The following MEGF11 variants were observed in gnomAD, a reference collection of about 807,000 sequenced individuals.
MEGF11 encodes multiple epidermal growth factor-like domains protein 11.
In MEGF11, 126 loss-of-function variants were observed where a neutral mutation model predicts 146.6. The ratio of observed to expected loss-of-function variants is 0.86; its 90% CI spans 0.74 to 1.00. The LOEUF is 1.00. MEGF11 is among the 50% of genes least tolerant of loss of function. The pLI, the probability that MEGF11 is intolerant of heterozygous loss-of-function variation, is 0.00. For missense variants in MEGF11, 1,509 were observed against 1,521.2 expected (o/e 0.99, Z 0.13); for synonymous variants, 532 against 583.4 (o/e 0.91, Z 1.27).
rs1375848854 is a variant in MEGF11 at position 66,056,526 on chromosome 15, T to A, written c.394+37876A>T. 2.0e-5 allele frequency among the ~76,000 whole-genome samples: 3 copies of A among 152,192 alleles called. No individual in the cohort carries two copies. In the East Asian group the frequency reaches 5.8e-4, roughly 29 times the overall value. Reference sequence around the variant, plus strand: ...CAAGAACCTTAGCCTGCCCCCGATCTTCAGCATTGGGCCTACAACTCGTAA... The same window carrying A: ...CAAGAACCTTAGCCTGCCCCCGATCATCAGCATTGGGCCTACAACTCGTAA... On this transcript the variant is annotated intron_variant, in intron 5 of 25. Transcript: ENST00000395614.
intron 4 of MEGF11, among the ~76,000 whole-genome samples, chr15:66,118,073 C>A (rs1407866388): frequency 6.6e-6 from 1 of 152,172 alleles, no homozygotes; most frequent in African/African-American, 2.4e-5. Flanking sequence ...AGAATACTAA[C>A]AAGGAAAATT....
chr15:66,109,368 C>T (rs1567244850), intron 4 of MEGF11, among the ~76,000 whole-genome samples: 1 of 152,196 alleles, frequency 6.6e-6, no homozygotes, highest in Non-Finnish European at 1.5e-5. Context: ...TCTGCTGTCT[C>T]CCACGTCTCG....
At position 65,909,784 on chromosome 15, in the gene MEGF11, C is replaced by CT. The variant is rs781443718; in HGVS notation, c.2851dup (p.Arg951LysfsTer36). On this transcript the variant is annotated frameshift_variant, in exon 22 of 26. Coordinates refer to ENST00000395614, the MANE Select transcript of MEGF11 (RefSeq NM_001385028.1). LOFTEE classifies it high-confidence loss of function. ...GTAGGGGGTCCAGCCTGCTGTGTCT[C>CT]TGTCAAGGGACTTGTTACTGAGCTG... 1.3e-6 allele frequency: 2 copies of CT among 1,583,866 alleles called. No homozygotes were observed. The highest frequency in any genetic ancestry group is 2.3e-5 in the South Asian group (2 of 88,794).
At chr15:66,016,522 AAC>A (rs1254374958) in intron 5 of MEGF11, among the ~76,000 whole-genome samples, 4 of 146,072 alleles carry the variant, frequency 2.7e-5, no homozygotes, top group East Asian at 3.9e-4. Context: ...TTAAAATTTA[AAC>A]ACAGTGTCTC....
chr15:66,050,864 G>A (rs566769571), intron 5 of MEGF11, among the ~76,000 whole-genome samples: 45 of 152,302 alleles, frequency 3.0e-4, no homozygotes, highest in Non-Finnish European at 5.6e-4. Flanking sequence ...TGGGATTGCC[G>A]GGCCATTTCA....
intron 19 of MEGF11, among the ~76,000 whole-genome samples, chr15:65,914,770 T>A (rs555634582): frequency 1.3e-5 from 2 of 152,312 alleles, no homozygotes; most frequent in Middle Eastern, 3.4e-3. Flanking sequence ...GTCTTTTGGC[T>A]CCTTTTCTGT....
At chr15:65,915,430 C>G (rs1296380409) in intron 19 of MEGF11, 40 bp downstream of exon 19, 2 of 1,605,698 alleles carry the variant, frequency 1.2e-6, no homozygotes, top group African/African-American at 2.7e-5. Flanking sequence ...GCCATGGGGC[C>G]CTTTCCACAG....
chr15:66,024,269 C>T (rs1597002844), intron 5 of MEGF11, among the ~76,000 whole-genome samples: 1 of 152,252 alleles, frequency 6.6e-6, no homozygotes, highest in Non-Finnish European at 1.5e-5. Context: ...TCCATGGGGG[C>T]AGCGCCACCA....
intron 13 of MEGF11, among the ~76,000 whole-genome samples, chr15:65,925,615 C>T (rs1265425338): frequency 6.6e-6 from 1 of 152,202 alleles, no homozygotes; most frequent in Non-Finnish European, 1.5e-5. Flanking sequence ...CCCCAGTTTT[C>T]GCTACAGTTG....
At chr15:66,236,554 C>T (rs534429112) in intron 1 of MEGF11, among the ~76,000 whole-genome samples, 2 of 152,140 alleles carry the variant, frequency 1.3e-5, no homozygotes, top group Non-Finnish European at 2.9e-5. Context: ...TCAATACCAC[C>T]AATGCCATGG....
intron 5 of MEGF11, among the ~76,000 whole-genome samples, chr15:66,014,859 A>C (rs1014766129): frequency 6.6e-6 from 1 of 152,042 alleles, no homozygotes; most frequent in African/African-American, 2.4e-5. Flanking sequence ...GAAAATAACC[A>C]CATAGAGATG....
At chr15:65,911,317 A>C (rs1441316277) in intron 21 of MEGF11, among the ~76,000 whole-genome samples, 1 of 152,244 alleles carries the variant, frequency 6.6e-6, no homozygotes, top group African/African-American at 2.4e-5. Flanking sequence ...AAACATTGTG[A>C]GGTGGTTATC....
At chr15:66,149,924 G>T (rs916191635) in intron 1 of MEGF11, among the ~76,000 whole-genome samples, 1 of 152,254 alleles carries the variant, frequency 6.6e-6, no homozygotes, top group African/African-American at 2.4e-5. Flanking sequence ...TTCAGAAGCA[G>T]CAAGTGGCCT....
At chr15:66,108,417 T>C (rs753362552) in intron 4 of MEGF11, among the ~76,000 whole-genome samples, 7 of 152,108 alleles carry the variant, frequency 4.6e-5, no homozygotes, top group Non-Finnish European at 8.8e-5. Flanking sequence ...TATAGTTCCA[T>C]TGAGGAGACA....
chr15:66,081,499 C>T (rs1397378702), intron 5 of MEGF11, among the ~76,000 whole-genome samples: 2 of 152,196 alleles, frequency 1.3e-5, no homozygotes, highest in African/African-American at 2.4e-5. Context: ...CTGCCTTAGC[C>T]TTCCAAGTAG....
chr15:66,194,814 T>C (rs762673546), intron 1 of MEGF11, among the ~76,000 whole-genome samples: 7 of 151,994 alleles, frequency 4.6e-5, no homozygotes, highest in Non-Finnish European at 1.0e-4. Context: ...CAAAAACCTA[T>C]GAAATTAAAA....
rs574488116 is a variant in MEGF11, at chr15:66,049,386, C to T, written c.394+45016G>A. On this transcript the variant is annotated intron_variant, in intron 5 of 25. Coordinates refer to ENST00000395614, the MANE Select transcript of MEGF11 (RefSeq NM_001385028.1). ...GAGAAAGGCTGGTGTGTTCATAGTTCTAATTTACTGATAGCAATTAGCTTC... is the reference window on the plus strand; with the variant it reads ...GAGAAAGGCTGGTGTGTTCATAGTTTTAATTTACTGATAGCAATTAGCTTC... Among the ~76,000 whole-genome samples, 65 of 152,288 alleles carry T rather than the reference C, an allele frequency of 4.3e-4. 1 individual carries two copies. The highest frequency in any genetic ancestry group is 1.5e-3 in the South Asian group (7 of 4,824).
chr15:66,239,839 A>C (rs1349352646), intron 1 of MEGF11, among the ~76,000 whole-genome samples: 1 of 152,208 alleles, frequency 6.6e-6, no homozygotes, highest in African/African-American at 2.4e-5. Flanking sequence ...TATGACCCGG[A>C]GGTGCAAGGG....
chr15:66,092,188 G>A (rs1047318745), intron 5 of MEGF11, among the ~76,000 whole-genome samples: 14 of 152,222 alleles, frequency 9.2e-5, no homozygotes, highest in Admixed American at 2.0e-4. Flanking sequence ...ATGGGCTTCC[G>A]AAAGAGGTAG....
Sources: allele counts gnomAD v4.1 joint callset (sites outside exome capture counted in the v4.1 genomes callset), GRCh38; gene constraint gnomAD v4.1.1; transcripts MANE v1.5; gene names NCBI Gene and HGNC (gene_info 2026-07-23, HGNC 2026-07-21).